TMEM131L: variants seen among roughly 807,000 people sequenced by gnomAD.
TMEM131L encodes the protein transmembrane protein 131-like.
TMEM131L carries 54 observed loss-of-function variants against 192.2 expected under a neutral mutation model. The observed-to-expected ratio is 0.28, with a 90% CI of 0.23 to 0.35. TMEM131L has a LOEUF of 0.35. Ranked by LOEUF, TMEM131L falls within the 10% of genes least tolerant of loss-of-function variation. The pLI, the probability that TMEM131L is intolerant of heterozygous loss-of-function variation, is 1.00. For missense variants in TMEM131L, 1,888 were observed against 1,972.9 expected (o/e 0.96, Z 0.82); for synonymous variants, 701 against 704.9 (o/e 0.99, Z 0.09).
intron 3 of TMEM131L, among the ~76,000 whole-genome samples, chr4:153,499,672 A>C (rs868549316): frequency 1.3e-5 from 2 of 151,966 alleles, no homozygotes; most frequent in Admixed American, 6.6e-5. Flanking sequence ...TGATCTGTCC[A>C]CCTTGGCCTC....
At chr4:153,587,583 C>T (rs1288798588) in intron 14 of TMEM131L, among the ~76,000 whole-genome samples, 159 bp from the exon 15 acceptor site, 1 of 152,124 alleles carries the variant, frequency 6.6e-6, no homozygotes, top group African/African-American at 2.4e-5. Flanking sequence ...GTTCAGATTT[C>T]TCTGAAAATT....
chr4:153,571,216 C>T (rs979083953), intron 7 of TMEM131L, among the ~76,000 whole-genome samples: 7 of 152,204 alleles, frequency 4.6e-5, no homozygotes, highest in Non-Finnish European at 8.8e-5. Flanking sequence ...ACTCTCCTGT[C>T]AGCCCAGTAT....
intron 3 of TMEM131L, among the ~76,000 whole-genome samples, chr4:153,546,281 A>C (rs1269284909): frequency 6.6e-6 from 1 of 151,640 alleles, no homozygotes; most frequent in Non-Finnish European, 1.5e-5. Flanking sequence ...ATGTGGCATA[A>C]ATTTATCATT....
intron 7 of TMEM131L, among the ~76,000 whole-genome samples, chr4:153,567,708 C>T (rs1468127714): frequency 6.6e-6 from 1 of 152,084 alleles, no homozygotes; most frequent in Admixed American, 6.5e-5. Flanking sequence ...CCACACCCAG[C>T]TAATTTTTGT....
chr4:153,499,664 A>C (rs1020664685), intron 3 of TMEM131L, among the ~76,000 whole-genome samples: 1 of 152,088 alleles, frequency 6.6e-6, no homozygotes, highest in Non-Finnish European at 1.5e-5. Context: ...TGACCTCGTG[A>C]TCTGTCCACC....
intron 29 of TMEM131L, among the ~76,000 whole-genome samples, chr4:153,623,406 G>A (rs1409857174): frequency 6.6e-6 from 1 of 152,090 alleles, no homozygotes; most frequent in Non-Finnish European, 1.5e-5. Flanking sequence ...GGACTTCTAT[G>A]GCACTAAGTG....
chr4:153,495,769 A>G (rs563698545), intron 3 of TMEM131L, among the ~76,000 whole-genome samples: 53 of 152,170 alleles, frequency 3.5e-4, no homozygotes, highest in Non-Finnish European at 7.2e-4. Context: ...CTTGTGGGTA[A>G]ATTGTGAGGG....
intron 19 of TMEM131L, among the ~76,000 whole-genome samples, chr4:153,594,844 CCTT>C (rs1056023972): frequency 2.0e-5 from 3 of 152,224 alleles, no homozygotes; most frequent in African/African-American, 2.4e-5. Context: ...CCCTCTCTCT[CCTT>C]CTCATTTTCT....
At chr4:153,614,221 G>C (rs1732817530) in intron 26 of TMEM131L, among the ~76,000 whole-genome samples, 1 of 152,308 alleles carries the variant, frequency 6.6e-6, no homozygotes, top group Admixed American at 6.5e-5. Context: ...AGTAATGGGA[G>C]GGAGGGGTCA....
At chr4:153,549,402 A>G (rs1361709950) in intron 3 of TMEM131L, among the ~76,000 whole-genome samples, 3 of 152,234 alleles carry the variant, frequency 2.0e-5, no homozygotes, top group Admixed American at 1.3e-4. Context: ...ATGGTTTTTC[A>G]TACTCATATG....
intron 1 of TMEM131L, 104 bp from the exon 2 acceptor site, chr4:153,467,107 A>G: frequency 1.8e-6 from 2 of 1,086,940 alleles, no homozygotes; most frequent in Non-Finnish European, 1.4e-6. Context: ...GGAAAAAGAG[A>G]CGTGTTTTGG....
At chr4:153,473,994 C>T (rs1483986328) in intron 3 of TMEM131L, 106 bp downstream of exon 3, 4 of 630,356 alleles carry the variant, frequency 6.3e-6, no homozygotes, top group Non-Finnish European at 1.1e-5. Flanking sequence ...TTAGTAGTAT[C>T]TGTAATACAC....
intron 3 of TMEM131L, among the ~76,000 whole-genome samples, chr4:153,480,230 T>C (rs1011850363): frequency 6.6e-6 from 1 of 152,122 alleles, no homozygotes; most frequent in Admixed American, 6.5e-5. Context: ...TCCCAGCTGC[T>C]TGGGAGGCTG....
intron 7 of TMEM131L, among the ~76,000 whole-genome samples, chr4:153,566,086 A>C (rs1367533601): frequency 6.6e-6 from 1 of 152,036 alleles, no homozygotes; most frequent in Non-Finnish European, 1.5e-5. Context: ...TATTGGAATC[A>C]TTGTAAATAA....
intron 7 of TMEM131L, among the ~76,000 whole-genome samples, chr4:153,577,937 C>T (rs571398245): frequency 5.3e-5 from 8 of 152,068 alleles, no homozygotes; most frequent in African/African-American, 1.4e-4. Context: ...CTAGGGGAAT[C>T]GATGTGGGAG....
intron 3 of TMEM131L, among the ~76,000 whole-genome samples, chr4:153,495,811 T>G (rs1223350536): frequency 2.6e-5 from 4 of 152,208 alleles, no homozygotes; most frequent in Non-Finnish European, 5.9e-5. Context: ...TTTGTAGCTA[T>G]CTTATTTAGG....
Position 153,534,146 on chromosome 4 carries a change from C to T in TMEM131L, c.240-15927C>T, listed in dbSNP as rs1276057349. 2.0e-5 allele frequency among the ~76,000 whole-genome samples: 3 copies of T among 152,220 alleles called. No homozygotes were observed. The East Asian group carries it at 5.8e-4, about 29-fold the overall frequency. On this transcript the variant is annotated intron_variant, in intron 3 of 34. Transcript: ENST00000409959. The stretch of plus-strand genomic sequence containing the variant: ...ACACCGGTTTGGGAAGGTTTTCTTT[C>T]ACTCAACAAATGTTACCGAGTGAGT...
intron 3 of TMEM131L, 23 bp from the exon 4 acceptor site, chr4:153,550,045 AAAATC>A (rs753746383): frequency 1.6e-4 from 198 of 1,262,592 alleles, no homozygotes; most frequent in Middle Eastern, 3.8e-4. Flanking sequence ...AAACTACAAC[AAAATC>A]AACCTCTCTT....
intron 3 of TMEM131L, among the ~76,000 whole-genome samples, chr4:153,542,841 C>A (rs1736897127): frequency 6.6e-6 from 1 of 152,158 alleles, no homozygotes; most frequent in African/African-American, 2.4e-5. Flanking sequence ...GGCTGTGAGC[C>A]TGGGATGCAT....
Sources: gnomAD v4.1 joint callset for allele counts (sites outside exome capture counted in the v4.1 genomes callset) on GRCh38, gnomAD v4.1.1 for gene constraint, MANE v1.5 for transcripts, NCBI Gene and HGNC (gene_info 2026-07-23, HGNC 2026-07-21) for gene names.